The following DNAAF9 variants were observed in gnomAD, a reference collection of about 807,000 sequenced individuals.
DNAAF9 encodes dynein axonemal assembly factor 9, also known as shulin.
A neutral mutation model predicts 167.0 loss-of-function variants in DNAAF9; 90 were observed. That is an observed-to-expected ratio of 0.54 (90% confidence interval 0.45 to 0.64). The LOEUF is 0.64. DNAAF9 is among the 30% of genes least tolerant of loss of function. The pLI is 0.00. For missense variants in DNAAF9, 1,315 were observed against 1,442.2 expected, an observed-to-expected ratio of 0.91 and a Z score of 1.43; for synonymous variants, 491 against 508.8, an observed-to-expected ratio of 0.96 and a Z score of 0.47.
intron 1 of DNAAF9, among the ~76,000 whole-genome samples, chr20:3,391,858 C>T (rs6051828): frequency 0.19 from 28,291 of 152,038 alleles, 2,837 homozygotes; most frequent in African/African-American, 0.22. Flanking sequence ...GGATTACAGG[C>T]GTGAGCCACC....
At chr20:3,320,544 T>C (rs1008111472) in intron 16 of DNAAF9, among the ~76,000 whole-genome samples, 68 of 152,310 alleles carry the variant, frequency 4.5e-4, no homozygotes, top group African/African-American at 1.6e-3. Flanking sequence ...GGATTTAAAG[T>C]CTAACAAGGA....
At chr20:3,301,175 T>C (rs2122970414) in intron 21 of DNAAF9, among the ~76,000 whole-genome samples, 1 of 136,086 alleles carries the variant, frequency 7.3e-6, no homozygotes, top group Non-Finnish European at 1.6e-5. Context: ...CCATCATGCT[T>C]GGCTTTTTTT....
intron 6 of DNAAF9, among the ~76,000 whole-genome samples, chr20:3,366,293 T>C (rs1477615297): frequency 6.6e-6 from 1 of 152,192 alleles, no homozygotes; most frequent in African/African-American, 2.4e-5. Flanking sequence ...GAAAACAACA[T>C]TAATCCTCTT....
rs1308968137 is a variant in DNAAF9 at position 3,298,062 on chromosome 20, G to A, written c.1896C>T (p.Pro632=). Residue 632 remains proline, a synonymous_variant, in exon 22 of 37, where the codon CCC becomes CCT. Coordinates refer to ENST00000252032, the MANE Select transcript of DNAAF9 (RefSeq NM_001009984.3). ...SSNFLMIALF[P]KSKIYQAFYS... ...AAAATGCTTGGTATATCTTCGATTT[G>A]GGGAAAAGGGCAATCATCAGAAAAT... is the stretch of plus-strand genomic sequence containing the variant. The A allele has an allele frequency of 6.2e-7, 1 of 1,612,856 alleles. No homozygotes were observed. Among genetic ancestry groups the A allele is most frequent in the East Asian group, 2.2e-5 (1 of 44,866 alleles).
intron 29 of DNAAF9, among the ~76,000 whole-genome samples, chr20:3,275,845 C>T (rs915297168): frequency 5.3e-5 from 8 of 152,170 alleles, no homozygotes; most frequent in Admixed American, 3.9e-4. Flanking sequence ...AGAGAAACAT[C>T]CCTATTGTCT....
rs374270960 is a variant in DNAAF9 at position 3,332,282 on chromosome 20, A to G, written c.1061T>C (p.Leu354Ser). Reference protein sequence around the residue: ...YFFGATHVPYLGGDSKLPKKT... With the variant: ...YFFGATHVPYSGGDSKLPKKT... Reference sequence around the variant, plus strand: ...GATGACAACTTATAGGGACTTACCCAAGTAAGGAACATGAGTAGCTCCAAA... The same window carrying G: ...GATGACAACTTATAGGGACTTACCCGAGTAAGGAACATGAGTAGCTCCAAA... The change falls in exon 11 of 37, where the codon TTG becomes TCG. Residue 354 changes from leucine (L) to serine (S), a missense_variant and splice_region_variant. Leu to Ser is a moderately radical substitution (Grantham distance 145). Transcript: ENST00000252032. The G allele has an allele frequency of 1.9e-6, 3 of 1,543,558 alleles. No individual in the cohort carries two copies. The Admixed American group carries it at 5.0e-5, about 26-fold the overall frequency.
At chr20:3,376,412 C>G in intron 3 of DNAAF9, 110 bp from the exon 4 acceptor site, 1 of 873,256 alleles carries the variant, frequency 1.1e-6, no homozygotes, top group Non-Finnish European at 1.7e-6. Context: ...GACAATGTAA[C>G]AAAACTCTAA....
chr20:3,277,667 C>A (rs2068696161), intron 29 of DNAAF9, among the ~76,000 whole-genome samples: 1 of 152,014 alleles, frequency 6.6e-6, no homozygotes, highest in African/African-American at 2.4e-5. Context: ...ACCCAACCTC[C>A]ACAAAATCTC....
At chr20:3,261,421 C>T (rs8117414) in intron 31 of DNAAF9, among the ~76,000 whole-genome samples, 9,425 of 151,682 alleles carry the variant, frequency 0.062, 373 homozygotes, top group Non-Finnish European at 0.082. Flanking sequence ...CAGGCTGGAG[C>T]GCAGTGGCAC....
intron 9 of DNAAF9, among the ~76,000 whole-genome samples, chr20:3,342,389 G>A (rs2070104018): frequency 6.6e-6 from 1 of 152,122 alleles, no homozygotes; most frequent in Non-Finnish European, 1.5e-5. Flanking sequence ...TCTTTGTTAA[G>A]ATGTTTGATT....
At chr20:3,385,596 G>GA (rs895854257) in intron 1 of DNAAF9, among the ~76,000 whole-genome samples, 3 of 151,546 alleles carry the variant, frequency 2.0e-5, no homozygotes, top group Admixed American at 6.6e-5. Flanking sequence ...AGCTAATTTT[G>GA]AAAAAAAATT....
In DNAAF9 at chr20:3,264,529, G is replaced by C; in HGVS notation, c.2787-5C>G. 4.9e-6 allele frequency: 7 copies of C among 1,420,490 alleles called. No individual in the cohort carries two copies. The highest frequency in any genetic ancestry group is 1.4e-5 in the African/African-American group (1 of 71,040). The allele number at this position is 1,420,490 out of a possible 1,614,324, so 88.0% of individuals were successfully genotyped here. ...ATCAGCTCAATGTCTTCATTCCTTT[G>C]AAAACACACAGAAAAGACCTAGATT... On this transcript the variant is annotated splice_polypyrimidine_tract_variant and splice_region_variant and intron_variant, in intron 30 of 36. Transcript: ENST00000252032.
intron 20 of DNAAF9, among the ~76,000 whole-genome samples, chr20:3,308,477 G>A (rs2069344503): frequency 6.6e-6 from 1 of 151,554 alleles, no homozygotes; most frequent in Non-Finnish European, 1.5e-5. Flanking sequence ...CAAGTAGCTG[G>A]GATTACAGGC....
chr20:3,302,672 A>T (rs1387700974), intron 21 of DNAAF9, among the ~76,000 whole-genome samples: 1 of 152,252 alleles, frequency 6.6e-6, no homozygotes, highest in Non-Finnish European at 1.5e-5. Flanking sequence ...TTGAGTGGAA[A>T]ATGTCAGACT....
At chr20:3,287,144 A>G (rs1177294097) in intron 27 of DNAAF9, among the ~76,000 whole-genome samples, 1 of 152,194 alleles carries the variant, frequency 6.6e-6, no homozygotes, top group Non-Finnish European at 1.5e-5. Flanking sequence ...GCACACAGCC[A>G]TGAAAGGGGA....
intron 6 of DNAAF9, among the ~76,000 whole-genome samples, chr20:3,368,044 G>T (rs947754247): frequency 9.2e-5 from 14 of 152,166 alleles, no homozygotes; most frequent in African/African-American, 3.4e-4. Flanking sequence ...CACACATCAG[G>T]CACTATCCTC....
At chr20:3,274,891 TGGGGG>T (rs1217562634) in intron 29 of DNAAF9, among the ~76,000 whole-genome samples, 1 of 152,196 alleles carries the variant, frequency 6.6e-6, no homozygotes, top group East Asian at 1.9e-4. Flanking sequence ...GTGGTTTAGA[TGGGGG>T]GCAAGGAATA....
chr20:3,372,218 T>TGGAGTA (rs2083519656), intron 6 of DNAAF9, among the ~76,000 whole-genome samples: 4 of 152,182 alleles, frequency 2.6e-5, no homozygotes, highest in Admixed American at 2.6e-4. Flanking sequence ...CATCAGGCCA[T>TGGAGTA]CAGAGTGGAG....
chr20:3,332,284 G>T lies in DNAAF9; in HGVS notation c.1059C>A (p.Tyr353Ter). Residue 353 changes from tyrosine to a stop codon, truncating the protein, a stop_gained, in exon 11 of 37, where the codon TAC (tyrosine) becomes TAA (stop). Coordinates refer to ENST00000252032, the MANE Select transcript of DNAAF9 (RefSeq NM_001009984.3). LOFTEE classifies it high-confidence loss of function. ...TGACAACTTATAGGGACTTACCCAA[G>T]TAAGGAACATGAGTAGCTCCAAAAA... ...TYFFGATHVP[Y>*]LGGDSKLPKK... 2 of 1,555,444 alleles carry T rather than the reference G, an allele frequency of 1.3e-6. No homozygotes were observed. The highest frequency in any genetic ancestry group is 2.2e-5 in the East Asian group (1 of 44,524).
Sources: gnomAD v4.1 joint callset for allele counts (sites outside exome capture counted in the v4.1 genomes callset) on GRCh38, gnomAD v4.1.1 for gene constraint, MANE v1.5 for transcripts, NCBI Gene and HGNC (gene_info 2026-07-23, HGNC 2026-07-21) for gene names.